The following TRPS1 variants were observed in gnomAD, a reference collection of about 807,000 sequenced individuals.
TRPS1 encodes transcriptional repressor GATA binding 1, also known as zinc finger transcription factor Trps1.
A neutral mutation model predicts 101.2 loss-of-function variants in TRPS1; 6 were observed. That is an observed-to-expected ratio of 0.06 (90% CI 0.03 to 0.12). TRPS1 has a LOEUF of 0.12. Ranked by LOEUF, TRPS1 falls within the 10% of genes least tolerant of loss-of-function variation. The pLI is 1.00. For missense variants in TRPS1, 1,363 were observed against 1,567.0 expected, an observed-to-expected ratio of 0.87 and a Z score of 2.20; for synonymous variants, 578 against 589.8, an observed-to-expected ratio of 0.98 and a Z score of 0.29.
At chr8:115,513,394 C>A (rs772963400) in intron 5 of TRPS1, among the ~76,000 whole-genome samples, 6 of 151,550 alleles carry the variant, frequency 4.0e-5, no homozygotes, top group African/African-American at 1.5e-4. Context: ...CATTTGTGAA[C>A]GTGGTATGGT....
chr8:115,481,752 C>G (rs59115125), intron 5 of TRPS1, among the ~76,000 whole-genome samples: 11,273 of 152,166 alleles, frequency 0.074, 1,457 homozygotes, highest in African/African-American at 0.25. Flanking sequence ...CTGAGACAGT[C>G]ATCTGTTTTT....
intron 4 of TRPS1, among the ~76,000 whole-genome samples, chr8:115,588,777 T>C (rs768734333): frequency 1.1e-4 from 16 of 152,222 alleles, no homozygotes; most frequent in Non-Finnish European, 2.2e-4. Flanking sequence ...AGCTATTACT[T>C]AAAGCTGTAA....
In TRPS1 at chr8:115,439,227, C is replaced by G. The variant is rs557970573; in HGVS notation, c.2701-20775G>C. On this transcript the variant is annotated intron_variant, in intron 5 of 6. Coordinates refer to ENST00000395715, the MANE Select transcript of TRPS1 (RefSeq NM_014112.5). ...ATTTACACCTGCTTTAGAAAAGGGGCGGTATGATCTCTGCACTGTCGTTTA... is the reference window on the plus strand; with the variant it reads ...ATTTACACCTGCTTTAGAAAAGGGGGGGTATGATCTCTGCACTGTCGTTTA... Among the ~76,000 whole-genome samples the G allele has an allele frequency of 7.2e-5, 11 of 152,160 alleles. No homozygotes were observed. The East Asian group carries it at 2.1e-3, about 29-fold the overall frequency.
chr8:115,479,080 A>T lies in TRPS1; in HGVS notation c.2701-60628T>A, dbSNP rs193007392. 9.2e-5 allele frequency among the ~76,000 whole-genome samples: 14 copies of T among 152,006 alleles called. No homozygotes were observed. The East Asian group carries it at 2.5e-3, about 27-fold the overall frequency. On this transcript the variant is annotated intron_variant, in intron 5 of 6. Transcript: ENST00000395715. ...AGTATTTTGGGGGGAAAAATAATAA[A>T]TCAGGCATAATTTCCTGGCATGCCT... is the stretch of plus-strand genomic sequence containing the variant.
At position 115,471,755 on chromosome 8, in the gene TRPS1, G is replaced by A. The variant is rs12681662; in HGVS notation, c.2701-53303C>T. 1.7e-3 allele frequency among the ~76,000 whole-genome samples: 261 copies of A among 152,254 alleles called. 2 individuals are homozygous for A. The East Asian group carries it at 0.026, about 15-fold the overall frequency. On this transcript the variant is annotated intron_variant, in intron 5 of 6. Coordinates refer to ENST00000395715, the MANE Select transcript of TRPS1 (RefSeq NM_014112.5). ...AGGTGTAGCCATTGGGTATATACAC[G>A]TGTTCAAAATGGAAGAAATTGGCCA...
At chr8:115,543,830 T>C (rs1219181798) in intron 5 of TRPS1, among the ~76,000 whole-genome samples, 4 of 145,524 alleles carry the variant, frequency 2.7e-5, no homozygotes, top group Non-Finnish European at 4.5e-5. Flanking sequence ...CTTTGATTTG[T>C]CCTGACAAAA....
In TRPS1 at chr8:115,512,684, C is replaced by T. The variant is rs944398133; in HGVS notation, c.2700+74317G>A. Among the ~76,000 whole-genome samples, 15 of 151,588 alleles carry T rather than the reference C, an allele frequency of 9.9e-5. No homozygotes were observed. The East Asian group carries it at 2.7e-3, about 27-fold the overall frequency. On this transcript the variant is annotated intron_variant, in intron 5 of 6. Transcript: ENST00000395715. ...TCTGTATTTGGCATTATCTATCATA[C>T]TCTTAGATTTTGGTCAAAACTTACT...
At chr8:115,581,509 C>T (rs918458180) in intron 5 of TRPS1, among the ~76,000 whole-genome samples, 1 of 151,834 alleles carries the variant, frequency 6.6e-6, no homozygotes, top group Non-Finnish European at 1.5e-5. Flanking sequence ...ATGTTCCCCA[C>T]AATATGTACA....
chr8:115,439,557 T>C (rs575641073), intron 5 of TRPS1, among the ~76,000 whole-genome samples: 1 of 152,302 alleles, frequency 6.6e-6, no homozygotes, highest in Admixed American at 6.5e-5. Flanking sequence ...AGTGAAAAAG[T>C]TACATTTAAA....
intron 5 of TRPS1, among the ~76,000 whole-genome samples, chr8:115,429,505 A>G (rs1813269013): frequency 6.6e-6 from 1 of 152,132 alleles, no homozygotes; most frequent in Non-Finnish European, 1.5e-5. Context: ...TAATCACACT[A>G]TATCGCATAC....
chr8:115,579,953 C>T (rs1162706429), intron 5 of TRPS1, among the ~76,000 whole-genome samples: 2 of 152,038 alleles, frequency 1.3e-5, no homozygotes, highest in Admixed American at 6.6e-5. Context: ...TGCTTCACTC[C>T]TAACCACTGA....
chr8:115,519,759 G>A (rs894643318), intron 5 of TRPS1, among the ~76,000 whole-genome samples: 38 of 151,426 alleles, frequency 2.5e-4, no homozygotes, highest in African/African-American at 9.2e-4. Context: ...AAATTAAAAA[G>A]TCTTAAGTCT....
rs539285005 is a variant in TRPS1 at position 115,500,765 on chromosome 8, A to G, written c.2701-82313T>C. ...TTTTGTGTGTGTTTTTAGTAGAGAC[A>G]GGGTTTCACCGTGTTAGCCAGATGG... On this transcript the variant is annotated intron_variant, in intron 5 of 6. Coordinates refer to ENST00000395715, the MANE Select transcript of TRPS1 (RefSeq NM_014112.5). Among the ~76,000 whole-genome samples the G allele has an allele frequency of 6.6e-5, 10 of 151,670 alleles. No individual in the cohort carries two copies. The South Asian group carries it at 1.5e-3, about 22-fold the overall frequency.
At chr8:115,597,680 G>A (rs1309613389) in intron 4 of TRPS1, among the ~76,000 whole-genome samples, 5 of 152,002 alleles carry the variant, frequency 3.3e-5, no homozygotes, top group Non-Finnish European at 5.9e-5. Flanking sequence ...TGAGTGTGGT[G>A]TGTCATGTTT....
intron 5 of TRPS1, among the ~76,000 whole-genome samples, chr8:115,495,783 T>A (rs997756405): frequency 2.0e-5 from 3 of 152,168 alleles, no homozygotes; most frequent in Admixed American, 2.0e-4. Context: ...GAGGATCAGG[T>A]TACACACAAG....
chr8:115,452,292 C>T (rs973682741), intron 5 of TRPS1, among the ~76,000 whole-genome samples: 1 of 152,166 alleles, frequency 6.6e-6, no homozygotes, highest in Non-Finnish European at 1.5e-5. Flanking sequence ...ATAACTTTTA[C>T]AGTCAAGCCT....
chr8:115,576,322 G>GATATAGATATAT (rs374694464), intron 5 of TRPS1, among the ~76,000 whole-genome samples: 2,210 of 143,262 alleles, frequency 0.015, 274 homozygotes, highest in East Asian at 0.076. Flanking sequence ...TATAGATCTA[G>GATATAGATATAT]ATCTTTGGAC....
intron 5 of TRPS1, among the ~76,000 whole-genome samples, chr8:115,447,544 G>A (rs1006640265): frequency 6.6e-6 from 1 of 152,124 alleles, no homozygotes; most frequent in African/African-American, 2.4e-5. Context: ...AGATGTAAAT[G>A]TGAGTACAAA....
intron 5 of TRPS1, among the ~76,000 whole-genome samples, chr8:115,425,807 C>T (rs956138680): frequency 1.3e-5 from 2 of 152,152 alleles, no homozygotes; most frequent in Admixed American, 1.3e-4. Context: ...TTAACTAACC[C>T]CATATTTGGT....
Sources: gnomAD v4.1 joint callset for allele counts (sites outside exome capture counted in the v4.1 genomes callset) on GRCh38, gnomAD v4.1.1 for gene constraint, MANE v1.5 for transcripts, NCBI Gene and HGNC (gene_info 2026-07-23, HGNC 2026-07-21) for gene names.